Variants in ADD2 observed in about 807,000 individuals in gnomAD.
ADD2 encodes beta-adducin.
A neutral mutation model predicts 83.0 loss-of-function variants in ADD2; 23 were observed. The ratio of observed to expected loss-of-function variants is 0.28; its 90% CI spans 0.20 to 0.39. ADD2 has a LOEUF of 0.39. ADD2 is among the 10% of genes least tolerant of loss of function. The pLI, the probability that ADD2 is intolerant of heterozygous loss-of-function variation, is 1.00. For missense variants in ADD2, 758 were observed against 944.9 expected, an observed-to-expected ratio of 0.80 and a Z score of 2.59; for synonymous variants, 375 against 375.4, an observed-to-expected ratio of 1.00 and a Z score of 0.01.
At position 70,760,195 on chromosome 2, in the gene ADD2, GC is replaced by G. The variant is rs545543232; in HGVS notation, c.-154+7690del. On this transcript the variant is annotated intron_variant, in intron 1 of 15. Transcript: ENST00000264436. The stretch of plus-strand genomic sequence containing the variant: ...AAAGGCAAATATTTAGGTCCATGGT[GC>G]CATCTTGAAACCTACACGTGCGTGT... 2.4e-4 allele frequency among the ~76,000 whole-genome samples: 36 copies of G among 152,270 alleles called. No individual in the cohort carries two copies. In the East Asian group the frequency reaches 6.0e-3, roughly 25 times the overall value.
At chr2:70,727,111 A>T (rs1553378436) in intron 1 of ADD2, among the ~76,000 whole-genome samples, 1 of 152,236 alleles carries the variant, frequency 6.6e-6, no homozygotes, top group Admixed American at 6.5e-5. Flanking sequence ...GCTCCGTGGG[A>T]AGAATGCTAG....
At chr2:70,687,791 G>A (rs1427752383) in intron 9 of ADD2, among the ~76,000 whole-genome samples, 3 of 152,170 alleles carry the variant, frequency 2.0e-5, no homozygotes, top group Non-Finnish European at 4.4e-5. Context: ...CTAAGAAGTG[G>A]GTATTTATTG....
chr2:70,730,171 C>T (rs1673208407), intron 1 of ADD2, among the ~76,000 whole-genome samples: 1 of 152,148 alleles, frequency 6.6e-6, no homozygotes, highest in African/African-American at 2.4e-5. Flanking sequence ...CTATTTTGCT[C>T]CCAAATTGCA....
chr2:70,672,077 T>A (rs1176172276), intron 15 of ADD2, among the ~76,000 whole-genome samples: 12 of 152,348 alleles, frequency 7.9e-5, no homozygotes, highest in Admixed American at 7.8e-4. Flanking sequence ...CTGCTTTTAC[T>A]CTTTCAAAGT....
chr2:70,664,305 G>T (rs548444945), intron 15 of ADD2, among the ~76,000 whole-genome samples: 1 of 152,242 alleles, frequency 6.6e-6, no homozygotes, highest in African/African-American at 2.4e-5. Flanking sequence ...TAGTCAAAAG[G>T]GGAAGACCCC....
chr2:70,748,903 A>G (rs1420614909), intron 1 of ADD2, among the ~76,000 whole-genome samples: 3 of 152,208 alleles, frequency 2.0e-5, no homozygotes, highest in African/African-American at 7.2e-5. Flanking sequence ...TGCAGCATTG[A>G]GCTATATAAG....
At chr2:70,755,301 A>G (rs1465188866) in intron 1 of ADD2, among the ~76,000 whole-genome samples, 1 of 152,186 alleles carries the variant, frequency 6.6e-6, no homozygotes, top group East Asian at 1.9e-4. Flanking sequence ...AATGCCTGCA[A>G]TCAGCCAGCA....
intron 1 of ADD2, among the ~76,000 whole-genome samples, chr2:70,748,290 T>A (rs1175415093): frequency 6.8e-6 from 1 of 146,826 alleles, no homozygotes; most frequent in Non-Finnish European, 1.5e-5. Context: ...CAAACACTGA[T>A]AAAAAAAAAA....
chr2:70,723,392 A>ATTTT (rs5832028), intron 1 of ADD2, among the ~76,000 whole-genome samples: 1 of 148,186 alleles, frequency 6.7e-6, no homozygotes. Flanking sequence ...CAACAATTGA[A>ATTTT]TTTTTTTTTT....
In ADD2 at chr2:70,663,379, G is replaced by C; in HGVS notation, c.*46C>G. 1 of 1,550,930 alleles carries C rather than the reference G, an allele frequency of 6.4e-7. No individual in the cohort carries two copies. The highest frequency in any genetic ancestry group is 1.2e-5 in the South Asian group (1 of 83,170). ...CAGGGACAGAGATGGGAGAAGGGAA[G>C]GGGAGGAGAGAGAGGAGGCAGGAGG... On this transcript the variant is annotated 3_prime_UTR_variant, in exon 16 of 16. Transcript: ENST00000264436.
intron 1 of ADD2, among the ~76,000 whole-genome samples, chr2:70,725,989 C>T (rs1252137783): frequency 6.6e-6 from 1 of 151,764 alleles, no homozygotes; most frequent in Non-Finnish European, 1.5e-5. Flanking sequence ...AGATCGAGAC[C>T]ATCCCGGCTA....
rs1416995683 is a variant in ADD2, at chr2:70,691,032, T to A, written c.706-103A>T. 10 of 1,389,588 alleles carry A rather than the reference T, an allele frequency of 7.2e-6. No individual in the cohort carries two copies. In the East Asian group the frequency reaches 1.5e-4, roughly 21 times the overall value. The allele number at this position is 1,389,588 out of a possible 1,614,324, so 86.1% of individuals were successfully genotyped here. A position where few individuals can be genotyped will look rare whatever the true frequency, so the allele number is the denominator to read the frequency against. On this transcript the variant is annotated intron_variant, in intron 7 of 15. Transcript: ENST00000264436. ...CTGGGGGCCAGTGAGGGGTGAGGGG[T>A]GAGGAGTGAGGGGTGAGGTTGGGGA...
chr2:70,735,858 C>CTTTTTTTTTT (rs374727628), intron 1 of ADD2, among the ~76,000 whole-genome samples: 1 of 72,508 alleles, frequency 1.4e-5, no homozygotes, highest in Non-Finnish European at 2.2e-5. Context: ...CCATGCCCGG[C>CTTTTTTTTTT]TTTTTTTTTT....
At chr2:70,675,796 C>A in intron 13 of ADD2, 1 of 985,364 alleles carries the variant, frequency 1.0e-6, no homozygotes, top group Non-Finnish European at 1.2e-6. Flanking sequence ...AGACCAAAAA[C>A]CCAAGAAGAG....
At position 70,728,358 on chromosome 2, in the gene ADD2, G is replaced by A. The variant is rs1574296119; in HGVS notation, c.-153-15174C>T. On this transcript the variant is annotated intron_variant, in intron 1 of 15. Coordinates refer to ENST00000264436, the MANE Select transcript of ADD2 (RefSeq NM_001617.4). ...CCCTTAGCATATACCCAACCCCCTC[G>A]CTTTATAGATAAAGAGCCTGAAGCC... Among the ~76,000 whole-genome samples, 2 of 152,106 alleles carry A rather than the reference G, an allele frequency of 1.3e-5. 1 individual carries two copies. The highest frequency in any genetic ancestry group is 4.2e-4 in the South Asian group (2 of 4,818).
chr2:70,672,356 T>G (rs1292560270), intron 15 of ADD2, among the ~76,000 whole-genome samples: 3 of 152,202 alleles, frequency 2.0e-5, no homozygotes, highest in African/African-American at 4.8e-5. Flanking sequence ...GACTCCAGAC[T>G]TTTCTGAGTT....
chr2:70,691,235 C>T (rs1553371602), intron 7 of ADD2, among the ~76,000 whole-genome samples: 1 of 152,200 alleles, frequency 6.6e-6, no homozygotes, highest in East Asian at 1.9e-4. Context: ...ACTCCCCCCA[C>T]CTCACACACA....
At chr2:70,756,370 T>A (rs1674790834) in intron 1 of ADD2, among the ~76,000 whole-genome samples, 1 of 152,184 alleles carries the variant, frequency 6.6e-6, no homozygotes, top group Non-Finnish European at 1.5e-5. Context: ...GATTAAAGCC[T>A]ATCTCTGTGG....
At chr2:70,700,074 A>T (rs1553373332) in intron 4 of ADD2, among the ~76,000 whole-genome samples, 1 of 152,214 alleles carries the variant, frequency 6.6e-6, no homozygotes, top group East Asian at 1.9e-4. Flanking sequence ...TACCAAGAGA[A>T]ATGAACAGAA....
Sources: gnomAD v4.1 joint callset for allele counts (sites outside exome capture counted in the v4.1 genomes callset) on GRCh38, gnomAD v4.1.1 for gene constraint, MANE v1.5 for transcripts, NCBI Gene and HGNC (gene_info 2026-07-23, HGNC 2026-07-21) for gene names.